The following CDH12 variants were observed in gnomAD, a reference collection of about 807,000 sequenced individuals.
CDH12 encodes the protein cadherin 12, also known as cadherin-12.
In CDH12, 41 loss-of-function variants were observed where a neutral mutation model predicts 74.1. The observed-to-expected ratio is 0.55, with a 90% CI of 0.43 to 0.72. The LOEUF (loss-of-function observed/expected upper bound fraction) is 0.72. Ranked by LOEUF, CDH12 falls within the 30% of genes least tolerant of loss-of-function variation. The probability of loss-of-function intolerance (pLI) is 0.00; values close to 1 mark genes in which losing one functional copy is unlikely to be tolerated. For missense variants in CDH12, 945 were observed against 977.2 expected, an observed-to-expected ratio of 0.97 and a Z score of 0.44; for synonymous variants, 399 against 355.0, an observed-to-expected ratio of 1.12 and a Z score of -1.39.
intron 1 of CDH12, among the ~76,000 whole-genome samples, chr5:22,783,532 A>G (rs1480408209): frequency 3.9e-5 from 6 of 152,196 alleles, no homozygotes; most frequent in Non-Finnish European, 8.8e-5. Context: ...CTAGAGTTAT[A>G]CAACTGGCAA....
At chr5:22,287,722 C>CAAAA (rs35636015) in intron 3 of CDH12, among the ~76,000 whole-genome samples, 2 of 126,866 alleles carry the variant, frequency 1.6e-5, no homozygotes, top group African/African-American at 5.9e-5. Flanking sequence ...GACTCCGTCT[C>CAAAA]AAAAAAAAAA....
intron 5 of CDH12, among the ~76,000 whole-genome samples, chr5:22,055,558 AT>A (rs1383986558): frequency 6.6e-6 from 1 of 151,710 alleles, no homozygotes; most frequent in African/African-American, 2.4e-5. Context: ...TTGAGAACAA[AT>A]TTTTTTTCTG....
At chr5:21,894,101 G>A (rs1446344669) in intron 6 of CDH12, among the ~76,000 whole-genome samples, 1 of 152,116 alleles carries the variant, frequency 6.6e-6, no homozygotes, top group Admixed American at 6.6e-5. Context: ...AATATTGGCT[G>A]GGCAGAGCGG....
At chr5:22,711,778 TTGAC>T (rs1413505192) in intron 1 of CDH12, among the ~76,000 whole-genome samples, 14 of 152,224 alleles carry the variant, frequency 9.2e-5, no homozygotes, top group East Asian at 3.9e-4. Flanking sequence ...TAAGAGTTGA[TTGAC>T]TGATTTTCAA....
intron 1 of CDH12, among the ~76,000 whole-genome samples, chr5:22,576,722 G>A (rs1264774788): frequency 6.7e-6 from 1 of 149,972 alleles, no homozygotes; most frequent in African/African-American, 2.5e-5. Flanking sequence ...GATGGTCCTT[G>A]CGTCTTAGGG....
chr5:22,748,932 C>G (rs1309682766), intron 1 of CDH12, among the ~76,000 whole-genome samples: 2 of 152,148 alleles, frequency 1.3e-5, no homozygotes, highest in Non-Finnish European at 2.9e-5. Context: ...GTCACAATAC[C>G]TGTCCTTGAA....
chr5:22,371,122 G>A (rs528901219), intron 3 of CDH12, among the ~76,000 whole-genome samples: 2 of 152,028 alleles, frequency 1.3e-5, no homozygotes, highest in East Asian at 3.8e-4. Context: ...AAAAATATTT[G>A]CAGGTTGACA....
chr5:22,578,990 T>C (rs1739940413), intron 1 of CDH12, among the ~76,000 whole-genome samples: 1 of 152,190 alleles, frequency 6.6e-6, no homozygotes, highest in African/African-American at 2.4e-5. Flanking sequence ...TCAGCATGCA[T>C]TCTATTTCTC....
intron 1 of CDH12, among the ~76,000 whole-genome samples, chr5:22,760,540 A>G (rs1312835100): frequency 1.3e-5 from 2 of 151,888 alleles, no homozygotes; most frequent in African/African-American, 4.8e-5. Context: ...TTAGCTGGGC[A>G]TGGTGGTGGC....
intron 5 of CDH12, among the ~76,000 whole-genome samples, chr5:22,044,271 T>C (rs1296582633): frequency 6.6e-6 from 1 of 152,132 alleles, no homozygotes; most frequent in Non-Finnish European, 1.5e-5. Context: ...TATTAGTCCA[T>C]TTTCACACTG....
chr5:22,110,288 G>A (rs773130131), intron 4 of CDH12, among the ~76,000 whole-genome samples: 49 of 152,230 alleles, frequency 3.2e-4, no homozygotes, highest in Non-Finnish European at 4.7e-4. Flanking sequence ...CTTCTTCAGG[G>A]TGAACCTCTT....
In CDH12 at chr5:22,078,774, G is replaced by A; in HGVS notation, c.-98C>T. 6.7e-7 allele frequency: 1 copy of A among 1,503,660 alleles called. No homozygotes were observed. The highest frequency in any genetic ancestry group is 1.3e-5 in the South Asian group (1 of 75,094). 93.1% of individuals were successfully genotyped at this position (1,503,660 alleles called of 1,614,324 possible). A position where few individuals can be genotyped will look rare whatever the true frequency, so the allele number is the denominator to read the frequency against. On this transcript the variant is annotated 5_prime_UTR_variant, in exon 5 of 15. Transcript: ENST00000382254. ...AGGTGTCTGTGGCCTCCACCACTTA[G>A]CTTCTTGTTTTATTGCAGAAATGAT... is the stretch of plus-strand genomic sequence containing the variant.
rs896242636 is a variant in CDH12 at position 21,888,473 on chromosome 5, A to G, written c.527-33683T>C. Among the ~76,000 whole-genome samples the G allele has an allele frequency of 2.6e-5, 4 of 152,264 alleles. No homozygotes were observed. The East Asian group carries it at 7.7e-4, about 29-fold the overall frequency. ...TTCCTCACTTCAGAGAAGTAATACT[A>G]TTAGGAATGCTAATGTAAATGACGA... On this transcript the variant is annotated intron_variant, in intron 6 of 14. Transcript: ENST00000382254.
chr5:22,776,522 T>C (rs1479295035), intron 1 of CDH12, among the ~76,000 whole-genome samples: 2 of 152,048 alleles, frequency 1.3e-5, no homozygotes, highest in Non-Finnish European at 2.9e-5. Flanking sequence ...TACACAGAGC[T>C]CTATAGGCAC....
chr5:22,706,035 G>A (rs941510405), intron 1 of CDH12, among the ~76,000 whole-genome samples: 1 of 152,034 alleles, frequency 6.6e-6, no homozygotes, highest in Non-Finnish European at 1.5e-5. Context: ...AGAGGTTTCA[G>A]AGAGTGAGTA....
At chr5:22,607,891 G>T (rs974054736) in intron 1 of CDH12, among the ~76,000 whole-genome samples, 1 of 152,222 alleles carries the variant, frequency 6.6e-6, no homozygotes, top group Non-Finnish European at 1.5e-5. Flanking sequence ...AAGAATTGGG[G>T]TTTGAAAACC....
At position 22,080,946 on chromosome 5, in the gene CDH12, AT is replaced by A. The variant is rs533768100; in HGVS notation, c.-186-2085del. ...AGGTGCGTGCCACCACACCCGGCTAATTTTTTTTATTTTTAGTAGAGACGGG... is the reference window on the plus strand; with the variant it reads ...AGGTGCGTGCCACCACACCCGGCTAATTTTTTTATTTTTAGTAGAGACGGG... On this transcript the variant is annotated intron_variant, in intron 4 of 14. Coordinates refer to ENST00000382254, the MANE Select transcript of CDH12 (RefSeq NM_004061.5). 8.0e-3 allele frequency among the ~76,000 whole-genome samples: 1,207 copies of A among 151,518 alleles called. 7 individuals carry two copies. Among genetic ancestry groups the A allele is most frequent in the African/African-American group, 0.028 (1,163 of 41,314 alleles).
intron 4 of CDH12, among the ~76,000 whole-genome samples, chr5:22,093,737 AT>A (rs1186629490): frequency 1.3e-5 from 2 of 152,162 alleles, no homozygotes; most frequent in South Asian, 2.1e-4. Context: ...TAAAAATTGA[AT>A]TCCATACTTT....
At chr5:22,600,351 T>C (rs1382869596) in intron 1 of CDH12, among the ~76,000 whole-genome samples, 2 of 152,176 alleles carry the variant, frequency 1.3e-5, no homozygotes, top group African/African-American at 4.8e-5. Context: ...AGGTAACTAC[T>C]GTACTAAATT....
Sources: allele counts gnomAD v4.1 joint callset (sites outside exome capture counted in the v4.1 genomes callset), GRCh38; gene constraint gnomAD v4.1.1; transcripts MANE v1.5; gene names NCBI Gene and HGNC (gene_info 2026-07-23, HGNC 2026-07-21).